The following MAOA variants were observed in gnomAD, a reference collection of about 807,000 sequenced individuals.
The protein encoded by MAOA is monoamine oxidase A.
A neutral mutation model predicts 42.0 loss-of-function variants in MAOA; 6 were observed. That is an observed-to-expected ratio of 0.14 (90% confidence interval 0.08 to 0.28). The LOEUF is 0.28. MAOA is among the 10% of genes least tolerant of loss of function. The probability of loss-of-function intolerance (pLI) is 1.00; values close to 1 mark genes in which losing one functional copy is unlikely to be tolerated. For synonymous variants in MAOA, 140 were observed against 154.0 expected (o/e 0.91, Z 0.67); for missense variants, 262 against 422.3 (o/e 0.62, Z 3.33).
At chrX:43,684,968 C>T (rs2033475153) in intron 2 of MAOA, among the ~76,000 whole-genome samples, 1 of 103,885 alleles carries the variant, frequency 9.6e-6, no homozygotes, top group Non-Finnish European at 2.0e-5. Context: ...ACCTCTGTCT[C>T]CCAGGTTCAA....
chrX:43,655,416 A>G (rs1486969954), upstream of MAOA: 1 of 111,479 alleles, frequency 9.0e-6, no homozygotes, highest in African/African-American at 3.3e-5. Flanking sequence ...ACACTCCCCA[A>G]TCAGCACTAC....
At chrX:43,681,806 C>T (rs989217501) in intron 1 of MAOA, among the ~76,000 whole-genome samples, 4 of 101,024 alleles carry the variant, frequency 4.0e-5, no homozygotes, top group African/African-American at 1.4e-4. Flanking sequence ...GGAACTAAGA[C>T]AGAATTTGAA....
intron 9 of MAOA, 70 bp downstream of exon 9, chrX:43,732,865 AT>A: frequency 1.4e-6 from 1 of 709,308 alleles, no homozygotes; most frequent in Non-Finnish European, 2.3e-6. Context: ...CTGTCAAAGT[AT>A]ATTACTTTGG....
intron 1 of MAOA, among the ~76,000 whole-genome samples, chrX:43,659,558 CCT>C (rs1447405751): frequency 9.0e-6 from 1 of 110,865 alleles, no homozygotes; most frequent in Non-Finnish European, 1.9e-5. Context: ...GTACTCTCTC[CCT>C]CTCTTTCTCA....
intron 6 of MAOA, among the ~76,000 whole-genome samples, chrX:43,729,573 A>G (rs1448525697): frequency 8.9e-6 from 1 of 111,964 alleles, no homozygotes; most frequent in African/African-American, 3.3e-5. Context: ...TATAAGTTAA[A>G]TGGTCTGGGT....
At chrX:43,674,126 G>T (rs1211878321) in intron 1 of MAOA, among the ~76,000 whole-genome samples, 1 of 111,550 alleles carries the variant, frequency 9.0e-6, no homozygotes, top group Non-Finnish European at 1.9e-5. Context: ...GAATCTGGGT[G>T]CTCCTGTATT....
At chrX:43,743,711 A>G in intron 12 of MAOA, 83 bp from the exon 13 acceptor site, 1 of 1,044,017 alleles carries the variant, frequency 9.6e-7, no homozygotes, top group Non-Finnish European at 1.3e-6. Context: ...TGCCTTCTGC[A>G]GACTAAATGA....
At chrX:43,696,090 G>A (rs752854228) in intron 3 of MAOA, among the ~76,000 whole-genome samples, 3 of 111,942 alleles carry the variant, frequency 2.7e-5, no homozygotes, top group South Asian at 7.6e-4. Flanking sequence ...CTTTAATAGA[G>A]GATGAACTAA....
intron 3 of MAOA, among the ~76,000 whole-genome samples, chrX:43,697,113 C>T (rs1317584745): frequency 8.9e-6 from 1 of 112,397 alleles, no homozygotes; most frequent in African/African-American, 3.2e-5. Flanking sequence ...GTTATTGCGC[C>T]ATTTCACAGA....
chrX:43,722,936 A>C (rs1327709301), intron 5 of MAOA, among the ~76,000 whole-genome samples: 1 of 112,023 alleles, frequency 8.9e-6, no homozygotes, highest in African/African-American at 3.2e-5. Context: ...CTATTTATTA[A>C]ATAGGGAATC....
intron 1 of MAOA, among the ~76,000 whole-genome samples, chrX:43,663,076 A>G (rs1415175854): frequency 1.8e-5 from 2 of 111,755 alleles, no homozygotes; most frequent in Non-Finnish European, 3.8e-5. Flanking sequence ...GTTATATGTG[A>G]TATATCTTCT....
Position 43,658,015 on chromosome X carries a change from G to T in MAOA, c.73+1601G>T, listed in dbSNP as rs778623570. The stretch of plus-strand genomic sequence containing the variant: ...AGCTTGTTTCTCTTTATTTATTTAT[G>T]TATTTATTTATTCATTCAAAAAACA... On this transcript the variant is annotated intron_variant, in intron 1 of 14. Coordinates refer to ENST00000338702, the MANE Select transcript of MAOA (RefSeq NM_000240.4). 1.0e-5 allele frequency: 6 copies of T among 593,856 alleles called. No homozygotes were observed. In the East Asian group the frequency reaches 8.4e-4, roughly 83 times the overall value. 48.9% of individuals were successfully genotyped at this position (593,856 alleles called of 1,213,427 possible).
At chrX:43,680,271 A>G (rs773022380) in intron 1 of MAOA, among the ~76,000 whole-genome samples, 3 of 111,542 alleles carry the variant, frequency 2.7e-5, no homozygotes, top group African/African-American at 9.8e-5. Flanking sequence ...TGAGTAAAAT[A>G]CTGGGTTCTG....
chrX:43,668,207 T>A (rs758202549), intron 1 of MAOA, among the ~76,000 whole-genome samples: 1 of 112,510 alleles, frequency 8.9e-6, no homozygotes, highest in African/African-American at 3.2e-5. Flanking sequence ...TGGTACCTTA[T>A]TTTTATATTT....
In MAOA at chrX:43,657,084, CTGTGTG is replaced by C. The variant is rs10560402; in HGVS notation, c.73+702_73+707del. Among the ~76,000 whole-genome samples, 529 of 71,204 alleles carry C rather than the reference CTGTGTG, an allele frequency of 7.4e-3. 11 individuals are homozygous for C. Among genetic ancestry groups the C allele is most frequent in the African/African-American group, 0.02 (350 of 17,488 alleles). The allele number at this position is 71,204 out of a possible 115,157, so 61.8% of individuals were successfully genotyped here. Reference sequence around the variant, plus strand: ...GAGGGGGTGAGCTCTTAAACTATTCCTGTGTGTGTGTGTGTGTGTGTGTGTGTGTGT... The same window carrying C: ...GAGGGGGTGAGCTCTTAAACTATTCCTGTGTGTGTGTGTGTGTGTGTGTGT... On this transcript the variant is annotated intron_variant, in intron 1 of 14. Coordinates refer to ENST00000338702, the MANE Select transcript of MAOA (RefSeq NM_000240.4).
chrX:43,728,209 C>T lies in MAOA; in HGVS notation c.540C>T (p.Ile180=), dbSNP rs752655267. The T allele has an allele frequency of 1.7e-6, 2 of 1,210,306 alleles. No homozygotes were observed. Among genetic ancestry groups the T allele is most frequent in the Non-Finnish European group, 1.1e-6 (1 of 894,342 alleles). ...ARRFAYLFVN[I]NVTSEPHEVS... is the part of the protein sequence containing the mutation. ...GGTTTGCTTATCTTTTTGTGAATAT[C>T]AATGTGACCTCTGAGCCTCACGAAG... is the stretch of plus-strand genomic sequence containing the variant. The change falls in exon 6 of 15, where the codon ATC becomes ATT. Residue 180 remains isoleucine, a synonymous_variant. Coordinates refer to ENST00000338702, the MANE Select transcript of MAOA (RefSeq NM_000240.4).
At chrX:43,669,425 A>T (rs201209411) in intron 1 of MAOA, among the ~76,000 whole-genome samples, 4 of 110,778 alleles carry the variant, frequency 3.6e-5, no homozygotes, top group African/African-American at 1.3e-4. Flanking sequence ...CTCGAAAAAA[A>T]TAATAATAAT....
At position 43,695,135 on chromosome X, in the gene MAOA, A is replaced by G. The variant is rs778377963; in HGVS notation, c.306+1707A>G. On this transcript the variant is annotated intron_variant, in intron 3 of 14. Coordinates refer to ENST00000338702, the MANE Select transcript of MAOA (RefSeq NM_000240.4). ...TGCATGCTCTTCATTATCCCGATAT[A>G]TGGCCTAGAAAATGAAACTGAGGAC... Among the ~76,000 whole-genome samples, 365 of 111,654 alleles carry G rather than the reference A, an allele frequency of 3.3e-3. 1 individual carries two copies. The highest frequency in any genetic ancestry group is 5.2e-3 in the Non-Finnish European group (277 of 53,150).
intron 1 of MAOA, among the ~76,000 whole-genome samples, chrX:43,676,266 T>A (rs954613846): frequency 4.5e-5 from 5 of 112,017 alleles, no homozygotes; most frequent in Non-Finnish European, 9.4e-5. Context: ...GGATTTAATC[T>A]CCTGGTGTGC....
Sources: allele counts gnomAD v4.1 joint callset (sites outside exome capture counted in the v4.1 genomes callset), GRCh38; gene constraint gnomAD v4.1.1; transcripts MANE v1.5; gene names NCBI Gene and HGNC (gene_info 2026-07-23, HGNC 2026-07-21).